ADAP2: variants seen among roughly 807,000 people sequenced by gnomAD.
The protein encoded by ADAP2 is arf-GAP with dual PH domain-containing protein 2.
Under a neutral mutation model 54.9 loss-of-function variants are expected in ADAP2, and 42 were observed. The ratio of observed to expected loss-of-function variants is 0.77; its 90% CI spans 0.60 to 0.99. ADAP2 has a LOEUF of 0.99. Ranked by LOEUF, ADAP2 falls within the 50% of genes least tolerant of loss-of-function variation. The probability of loss-of-function intolerance (pLI) is 0.00; values close to 1 mark genes in which losing one functional copy is unlikely to be tolerated. For synonymous variants in ADAP2, 177 were observed against 180.1 expected (o/e 0.98, Z 0.14); for missense variants, 429 against 480.4 (o/e 0.89, Z 1.00).
intron 5 of ADAP2, among the ~76,000 whole-genome samples, chr17:30,937,657 C>A (rs1911986978): frequency 6.6e-6 from 1 of 152,088 alleles, no homozygotes; most frequent in African/African-American, 2.4e-5. Context: ...TGGATCCGAC[C>A]AGGATGGTTA....
At chr17:30,948,218 A>AC (rs1375382884) in intron 6 of ADAP2, among the ~76,000 whole-genome samples, 1 of 152,056 alleles carries the variant, frequency 6.6e-6, no homozygotes, top group Non-Finnish European at 1.5e-5. Flanking sequence ...AGAACTTAAG[A>AC]CTTTTTTTTC....
intron 6 of ADAP2, among the ~76,000 whole-genome samples, chr17:30,945,688 C>T (rs939379833): frequency 3.3e-5 from 5 of 151,598 alleles, no homozygotes; most frequent in Non-Finnish European, 7.4e-5. Flanking sequence ...CCTGGGAGGT[C>T]GAGGCTGCAG....
intron 5 of ADAP2, among the ~76,000 whole-genome samples, chr17:30,943,014 G>T (rs1482935219): frequency 6.6e-6 from 1 of 152,206 alleles, no homozygotes. Flanking sequence ...ACTTAAAACA[G>T]AACTAACATT....
chr17:30,942,341 G>C (rs966257779), intron 5 of ADAP2, among the ~76,000 whole-genome samples: 1 of 152,138 alleles, frequency 6.6e-6, no homozygotes, highest in East Asian at 1.9e-4. Flanking sequence ...GTCAAGTGTT[G>C]GTGAGTATAT....
At chr17:30,936,433 GATTA>G (rs1911886482) in intron 5 of ADAP2, among the ~76,000 whole-genome samples, 1 of 152,068 alleles carries the variant, frequency 6.6e-6, no homozygotes, top group Non-Finnish European at 1.5e-5. Context: ...AAAGTACTAG[GATTA>G]TAGATGTGAG....
Position 30,953,285 on chromosome 17 carries a change from C to T in ADAP2, c.742-3C>T, listed in dbSNP as rs1260339838. The T allele has an allele frequency of 1.2e-6, 2 of 1,614,088 alleles. No individual in the cohort carries two copies. The highest frequency in any genetic ancestry group is 2.2e-5 in the East Asian group (1 of 44,872). ...GGGGTCAGTGTCTGTCTCTCTTCCC[C>T]AGCTCGTGCCATTCCTCACCAGGAA... On this transcript the variant is annotated splice_region_variant and splice_polypyrimidine_tract_variant and intron_variant, in intron 7 of 10. Transcript: ENST00000330889.
intron 3 of ADAP2, among the ~76,000 whole-genome samples, chr17:30,931,095 A>T (rs1316020226): frequency 6.6e-6 from 1 of 152,108 alleles, no homozygotes; most frequent in Non-Finnish European, 1.5e-5. Context: ...GCCTGCCCAG[A>T]CTTCATGGGC....
intron 5 of ADAP2, among the ~76,000 whole-genome samples, chr17:30,943,841 T>C (rs1249740098): frequency 7.1e-6 from 1 of 140,426 alleles, no homozygotes; most frequent in African/African-American, 2.7e-5. Context: ...AGCAAGACTC[T>C]ATCTCAAAAA....
chr17:30,927,980 GT>G (rs1316055318), intron 3 of ADAP2, among the ~76,000 whole-genome samples: 1 of 151,340 alleles, frequency 6.6e-6, no homozygotes, highest in African/African-American at 2.4e-5. Context: ...GATCACATGT[GT>G]CACTGCACTC....
Position 30,958,771 on chromosome 17 carries a change from C to T in ADAP2, c.*902C>T, listed in dbSNP as rs953393588. ...GGACATGGTAATGAATGCCTGTAGT[C>T]CCAGCTACTCCGGACACTGATGTGA... On this transcript the variant is annotated 3_prime_UTR_variant, in exon 11 of 11. Transcript: ENST00000330889. The T allele has an allele frequency of 1.3e-5, 2 of 152,154 alleles. No individual in the cohort carries two copies. The highest frequency in any genetic ancestry group is 2.9e-5 in the Non-Finnish European group (2 of 68,092). The allele number at this position is 152,154 out of a possible 1,614,324, so 9.4% of individuals were successfully genotyped here.
chr17:30,925,437 T>C (rs1488373032), intron 2 of ADAP2, among the ~76,000 whole-genome samples: 2 of 150,234 alleles, frequency 1.3e-5, no homozygotes, highest in Admixed American at 6.6e-5. Flanking sequence ...GTGATCCACC[T>C]GCCTTAGCCT....
rs539830100 is a variant in ADAP2 at position 30,948,408 on chromosome 17, CA to C, written c.658-865del. 7.9e-3 allele frequency among the ~76,000 whole-genome samples: 1,088 copies of C among 137,392 alleles called. 11 individuals are homozygous for C. The highest frequency in any genetic ancestry group is 0.021 in the African/African-American group (782 of 36,504). 90.1% of individuals were successfully genotyped at this position (137,392 alleles called of 152,430 possible). The stretch of plus-strand genomic sequence containing the variant: ...TGAAACCCTGTCACTACTAAAAATA[CA>C]AAAAAAAAAAAAATTAGCCGTGTGG... On this transcript the variant is annotated intron_variant, in intron 6 of 10. Transcript: ENST00000330889.
At chr17:30,937,820 G>A (rs1400005427) in intron 5 of ADAP2, among the ~76,000 whole-genome samples, 1 of 152,210 alleles carries the variant, frequency 6.6e-6, no homozygotes, top group African/African-American at 2.4e-5. Context: ...TTACTAAGGT[G>A]GCAAAGACTT....
chr17:30,936,457 C>T (rs1030965747), intron 5 of ADAP2, among the ~76,000 whole-genome samples: 1 of 152,174 alleles, frequency 6.6e-6, no homozygotes, highest in African/African-American at 2.4e-5. Flanking sequence ...GCCACTACGC[C>T]AGGCCCATAT....
intron 9 of ADAP2, among the ~76,000 whole-genome samples, chr17:30,955,958 G>A (rs1159795857): frequency 1.3e-5 from 2 of 152,084 alleles, no homozygotes; most frequent in Non-Finnish European, 2.9e-5. Context: ...TGTTGTCCCG[G>A]TTGGTCTCAT....
chr17:30,942,245 C>T (rs1023118894), intron 5 of ADAP2, among the ~76,000 whole-genome samples: 1 of 152,094 alleles, frequency 6.6e-6, no homozygotes, highest in African/African-American at 2.4e-5. Flanking sequence ...TAAACTACAC[C>T]TCAATAAATG....
chr17:30,956,637 G>C, intron 10 of ADAP2, 168 bp downstream of exon 10: 1 of 721,946 alleles, frequency 1.4e-6, no homozygotes, highest in South Asian at 1.8e-5. Flanking sequence ...TGCCATTATT[G>C]CCAAAAGGTC....
At chr17:30,939,137 T>C (rs1225860918) in intron 5 of ADAP2, among the ~76,000 whole-genome samples, 1 of 152,066 alleles carries the variant, frequency 6.6e-6, no homozygotes, top group African/African-American at 2.4e-5. Context: ...TTTGCTGAAA[T>C]GGTACAAAAG....
At chr17:30,956,048 G>A (rs1905042478) in intron 9 of ADAP2, among the ~76,000 whole-genome samples, 193 bp from the exon 10 acceptor site, 1 of 152,034 alleles carries the variant, frequency 6.6e-6, no homozygotes. Context: ...GCCCACCCTC[G>A]GTATCTTTTC....
Sources: gnomAD v4.1 joint callset for allele counts (sites outside exome capture counted in the v4.1 genomes callset) on GRCh38, gnomAD v4.1.1 for gene constraint, MANE v1.5 for transcripts, NCBI Gene and HGNC (gene_info 2026-07-23, HGNC 2026-07-21) for gene names.